Variants in AVL9 observed in about 807,000 individuals in gnomAD.
AVL9 encodes the protein AVL9 cell migration associated, also known as late secretory pathway protein AVL9 homolog.
A neutral mutation model predicts 79.2 loss-of-function variants in AVL9; 49 were observed. The ratio of observed to expected loss-of-function variants is 0.62; its 90% CI spans 0.49 to 0.79. AVL9 has a LOEUF of 0.79. Ranked by LOEUF, AVL9 falls within the 30% of genes least tolerant of loss-of-function variation. The pLI is 0.00. For synonymous variants in AVL9, 299 were observed against 280.6 expected, an observed-to-expected ratio of 1.07 and a Z score of -0.65; for missense variants, 682 against 776.8, an observed-to-expected ratio of 0.88 and a Z score of 1.45.
At chr7:32,581,085 TAG>T in intron 15 of AVL9, 195 bp downstream of exon 15, 1 of 511,212 alleles carries the variant, frequency 2.0e-6, no homozygotes, top group South Asian at 2.6e-5. Context: ...CATTATCTAA[TAG>T]AGAGTGACAA....
At chr7:32,576,573 C>T (rs1237100992) in intron 13 of AVL9, among the ~76,000 whole-genome samples, 3 of 151,914 alleles carry the variant, frequency 2.0e-5, no homozygotes, top group Non-Finnish European at 2.9e-5. Flanking sequence ...CACCTGAGGT[C>T]GGGAGTTCAA....
rs70992725 is a variant in AVL9 at position 32,523,508 on chromosome 7, C to CTTTTT, written c.94-19612_94-19608dup. ...ACATGTTAATAGAATTATAAATTTCCTTTTTTTTTTTTTTTTTTTTTTTTT... is the reference window on the plus strand; with the variant it reads ...ACATGTTAATAGAATTATAAATTTCCTTTTTTTTTTTTTTTTTTTTTTTTTTTTTT... On this transcript the variant is annotated intron_variant, in intron 1 of 15. Transcript: ENST00000318709. Among the ~76,000 whole-genome samples the CTTTTT allele has an allele frequency of 3.7e-3, 290 of 79,296 alleles. 11 individuals are homozygous for CTTTTT. The highest frequency in any genetic ancestry group is 0.026 in the Middle Eastern group (2 of 76). The allele number at this position is 79,296 out of a possible 152,430, so 52.0% of individuals were successfully genotyped here. A position where few individuals can be genotyped will look rare whatever the true frequency, so the allele number is the denominator to read the frequency against.
intron 4 of AVL9, among the ~76,000 whole-genome samples, chr7:32,550,595 A>C (rs903314201): frequency 2.6e-5 from 4 of 152,250 alleles, no homozygotes; most frequent in Non-Finnish European, 4.4e-5. Flanking sequence ...GTATATATAC[A>C]TCATTGGTCA....
chr7:32,564,326 TGCCAATGC>T (rs1790460886), intron 10 of AVL9, among the ~76,000 whole-genome samples: 1 of 152,224 alleles, frequency 6.6e-6, no homozygotes, highest in Admixed American at 6.5e-5. Context: ...CAGTTTCAAA[TGCCAATGC>T]TGACTTTTTC....
intron 1 of AVL9, among the ~76,000 whole-genome samples, chr7:32,519,758 C>A (rs1363605429): frequency 6.6e-6 from 1 of 152,140 alleles, no homozygotes; most frequent in Non-Finnish European, 1.5e-5. Flanking sequence ...TTCATTCTTA[C>A]ATTGCTGTAA....
At chr7:32,575,883 T>A (rs1426920579) in intron 12 of AVL9, 72 bp from the exon 13 acceptor site, 20 of 1,101,860 alleles carry the variant, frequency 1.8e-5, no homozygotes, top group Non-Finnish European at 2.8e-5. Flanking sequence ...CCTTTACCCT[T>A]TTTGGTTATA....
At chr7:32,581,918 T>C (rs1371707509) in intron 15 of AVL9, among the ~76,000 whole-genome samples, 2 of 152,194 alleles carry the variant, frequency 1.3e-5, no homozygotes, top group Non-Finnish European at 2.9e-5. Flanking sequence ...TGTCAAATGT[T>C]TAAGGAAGAA....
intron 1 of AVL9, among the ~76,000 whole-genome samples, chr7:32,498,935 G>GA (rs1406470481): frequency 0.056 from 1 of 18 alleles, no homozygotes; most frequent in Non-Finnish European, 0.083. Context: ...AGGCCGAGGC[G>GA]GGTGGATCAC....
rs1202932262 is a variant in AVL9 at position 32,580,895 on chromosome 7, G to T, written c.1831+5G>T. 1.9e-6 allele frequency: 3 copies of T among 1,611,418 alleles called. No individual in the cohort carries two copies. The highest frequency in any genetic ancestry group is 2.7e-5 in the African/African-American group (2 of 75,014). On this transcript the variant is annotated splice_donor_5th_base_variant and intron_variant, in intron 15 of 15. Transcript: ENST00000318709. Reference sequence around the variant, plus strand: ...TACAAACAGGAAAAGCTGTTGGTAAGACATGCCTTTAGCCAGGAACAAATT... The same window carrying T: ...TACAAACAGGAAAAGCTGTTGGTAATACATGCCTTTAGCCAGGAACAAATT...
At chr7:32,511,377 A>G (rs926743413) in intron 1 of AVL9, among the ~76,000 whole-genome samples, 39 of 125,194 alleles carry the variant, frequency 3.1e-4, no homozygotes, top group East Asian at 8.4e-4. Context: ...CAGTATGAGG[A>G]AAGCAATCTC....
chr7:32,553,939 A>T (rs957745080), intron 7 of AVL9, among the ~76,000 whole-genome samples, 172 bp downstream of exon 7: 2 of 152,204 alleles, frequency 1.3e-5, no homozygotes, highest in Admixed American at 1.3e-4. Flanking sequence ...ATACAAAATT[A>T]AAAGTGTTGG....
chr7:32,503,341 TATAG>T lies in AVL9; in HGVS notation c.93+7543_93+7546del, dbSNP rs1562749390. Among the ~76,000 whole-genome samples the T allele has an allele frequency of 1.5e-4, 12 of 81,442 alleles. No homozygotes were observed. In the South Asian group the frequency reaches 2.1e-3, roughly 14 times the overall value. 53.4% of individuals were successfully genotyped at this position (81,442 alleles called of 152,430 possible). ...AAAGATATATATATATATCTATATA[TATAG>T]ATATAGATATAGAGAGATATATATA... On this transcript the variant is annotated intron_variant, in intron 1 of 15. Coordinates refer to ENST00000318709, the MANE Select transcript of AVL9 (RefSeq NM_015060.3).
At chr7:32,533,746 A>G (rs536021732) in intron 1 of AVL9, 1 of 152,280 alleles carries the variant, frequency 6.6e-6, no homozygotes, top group Admixed American at 6.5e-5. Flanking sequence ...CGAGAAAGGA[A>G]GCAAAGAGGC....
chr7:32,541,002 C>T (rs906344071), intron 1 of AVL9, among the ~76,000 whole-genome samples: 6 of 147,872 alleles, frequency 4.1e-5, no homozygotes, highest in African/African-American at 1.5e-4. Flanking sequence ...GGGTTCACGC[C>T]ATTCTCCTCC....
rs922372500 is a variant in AVL9 at position 32,495,628 on chromosome 7, G to A, written c.-82G>A. 24 of 973,940 alleles carry A rather than the reference G, an allele frequency of 2.5e-5. No individual in the cohort carries two copies. Among genetic ancestry groups the A allele is most frequent in the Non-Finnish European group, 3.1e-5 (23 of 737,880 alleles). 60.3% of individuals were successfully genotyped at this position (973,940 alleles called of 1,614,324 possible). ...CTGTGCTCGCTGACACCCGAAGTCC[G>A]CGGCTTTCCGCACACGGTGGGGTCG... is the stretch of plus-strand genomic sequence containing the variant. On this transcript the variant is annotated 5_prime_UTR_variant, in exon 1 of 16. Coordinates refer to ENST00000318709, the MANE Select transcript of AVL9 (RefSeq NM_015060.3).
At chr7:32,544,843 C>T in intron 3 of AVL9, 64 bp downstream of exon 3, 1 of 1,215,152 alleles carries the variant, frequency 8.2e-7, no homozygotes. Flanking sequence ...CACTTAAACA[C>T]AGTCTTTATT....
chr7:32,557,482 A>G (rs1261025811), intron 8 of AVL9, among the ~76,000 whole-genome samples: 1 of 152,098 alleles, frequency 6.6e-6, no homozygotes, highest in Non-Finnish European at 1.5e-5. Flanking sequence ...ATTTTGTGAC[A>G]CTGGCATTTT....
intron 13 of AVL9, among the ~76,000 whole-genome samples, chr7:32,576,630 A>AAAAAAATTAG (rs1232289787): frequency 6.6e-6 from 1 of 151,986 alleles, no homozygotes; most frequent in Non-Finnish European, 1.5e-5. Flanking sequence ...TAAAAATACA[A>AAAAAAATTAG]AAAAAATTAG....
rs189375348 is a variant in AVL9, at chr7:32,583,163, C to A, written c.1832-629C>A. ...GATTATCAAGTTGGTATTGAAGATACACAAAGCAGTTTGACTTTTTAAGCT... is the reference window on the plus strand; with the variant it reads ...GATTATCAAGTTGGTATTGAAGATAAACAAAGCAGTTTGACTTTTTAAGCT... On this transcript the variant is annotated intron_variant, in intron 15 of 15. Transcript: ENST00000318709. Among the ~76,000 whole-genome samples the A allele has an allele frequency of 1.1e-3, 174 of 152,292 alleles. 1 individual carries two copies. Among genetic ancestry groups the A allele is most frequent in the Middle Eastern group, 3.4e-3 (1 of 294 alleles).
Sources: gnomAD v4.1 joint callset for allele counts (sites outside exome capture counted in the v4.1 genomes callset) on GRCh38, gnomAD v4.1.1 for gene constraint, MANE v1.5 for transcripts, NCBI Gene and HGNC (gene_info 2026-07-23, HGNC 2026-07-21) for gene names.